Variants in LRP2 observed in about 807,000 individuals in gnomAD.
The protein encoded by LRP2 is LDL receptor related protein 2, also known as low-density lipoprotein receptor-related protein 2.
In LRP2, 172 loss-of-function variants were observed where a neutral mutation model predicts 531.0. The ratio of observed to expected loss-of-function variants is 0.32; its 90% confidence interval spans 0.29 to 0.37. The LOEUF is 0.37. Among genes scored for constraint, LRP2 ranks in the 10% least tolerant of loss-of-function variants. The pLI is 1.00. For synonymous variants in LRP2, 1,992 were observed against 2,027.6 expected, an observed-to-expected ratio of 0.98 and a Z score of 0.47; for missense variants, 5,167 against 5,868.3, an observed-to-expected ratio of 0.88 and a Z score of 3.90.
At position 169,358,626 on chromosome 2, in the gene LRP2, A is replaced by G. The variant is rs780116848; in HGVS notation, c.79+3695T>C. ...CAATCCTTTTAAACATATAAACTTC[A>G]TGTGAAGATGTAATTGTCATAAAAG... On this transcript the variant is annotated intron_variant, in intron 1 of 78. Transcript: ENST00000649046. 2.5e-4 allele frequency among the ~76,000 whole-genome samples: 38 copies of G among 152,334 alleles called. 1 individual carries two copies. The highest frequency in any genetic ancestry group is 4.6e-4 in the Admixed American group (7 of 15,304).
chr2:169,139,956 T>C (rs1423207535), intron 72 of LRP2, among the ~76,000 whole-genome samples: 1 of 152,250 alleles, frequency 6.6e-6, no homozygotes, highest in East Asian at 1.9e-4. Flanking sequence ...AAATGCTTTT[T>C]AAAGACATCC....
chr2:169,337,740 A>G (rs1048143032), intron 1 of LRP2, among the ~76,000 whole-genome samples: 4 of 152,218 alleles, frequency 2.6e-5, no homozygotes, highest in African/African-American at 9.6e-5. Context: ...AGTGGAATAT[A>G]TGTGTATGCA....
At chr2:169,282,786 G>A in intron 10 of LRP2, 87 bp downstream of exon 10, 1 of 1,417,866 alleles carries the variant, frequency 7.1e-7, no homozygotes, top group Non-Finnish European at 9.9e-7. Context: ...CAAAAATGCT[G>A]ATAATTCTGT....
chr2:169,209,280 G>A (rs978041803), intron 38 of LRP2, among the ~76,000 whole-genome samples, 173 bp downstream of exon 38: 4 of 152,106 alleles, frequency 2.6e-5, no homozygotes, highest in Non-Finnish European at 4.4e-5. Context: ...CTGAAACACC[G>A]TATCATTTAT....
intron 49 of LRP2, among the ~76,000 whole-genome samples, chr2:169,186,512 C>A (rs536124136): frequency 6.6e-6 from 1 of 152,208 alleles, no homozygotes; most frequent in Non-Finnish European, 1.5e-5. Flanking sequence ...CATGGGCAAC[C>A]TCACCCAAAA....
At chr2:169,292,989 G>C (rs1410168754) in intron 6 of LRP2, among the ~76,000 whole-genome samples, 4 of 152,132 alleles carry the variant, frequency 2.6e-5, no homozygotes, top group Admixed American at 2.6e-4. Flanking sequence ...ATGACCAAAT[G>C]ATTCTGAGTC....
intron 42 of LRP2, among the ~76,000 whole-genome samples, chr2:169,203,579 G>T (rs1401484811): frequency 6.6e-6 from 1 of 152,132 alleles, no homozygotes; most frequent in Non-Finnish European, 1.5e-5. Flanking sequence ...GGCCAACATG[G>T]TGAAGCCCCG....
At chr2:169,207,293 A>G (rs760618309) in intron 38 of LRP2, 43 bp from the exon 39 acceptor site, 9 of 1,422,370 alleles carry the variant, frequency 6.3e-6, no homozygotes, top group South Asian at 1.2e-5. Flanking sequence ...TGGAGAACCA[A>G]GAAGAAAAAA....
Position 169,220,457 on chromosome 2 carries a change from C to A in LRP2, c.5645G>T (p.Arg1882Leu). The change falls in exon 34 of 79, where the codon CGT becomes CTT. Residue 1882 changes from arginine (R) to leucine (L), a missense_variant. This residue lies in a region of LRP2 where 2,811 missense variants were observed against 3,058.0 expected (regional missense o/e 0.92). Transcript: ENST00000649046. Reference protein sequence around the residue: ...FPIGITVDPARGKLYWSDQGT... With the variant: ...FPIGITVDPALGKLYWSDQGT... ...CGTGCCATTTATGAATACTCACCCA[C>A]GAGCAGGATCAACAGTTATGCCAAT... The A allele has an allele frequency of 6.2e-7, 1 of 1,611,540 alleles. No individual in the cohort carries two copies. The highest frequency in any genetic ancestry group is 8.5e-7 in the Non-Finnish European group (1 of 1,177,786).
At chr2:169,347,608 C>T (rs1193601544) in intron 1 of LRP2, among the ~76,000 whole-genome samples, 2 of 151,544 alleles carry the variant, frequency 1.3e-5, no homozygotes, top group Non-Finnish European at 2.9e-5. Flanking sequence ...AAAGGTGTTC[C>T]CAGATAATGA....
chr2:169,338,359 G>GGAAAGAAAAGAAA (rs1685467388), intron 1 of LRP2, among the ~76,000 whole-genome samples: 1 of 76,566 alleles, frequency 1.3e-5, no homozygotes, highest in Non-Finnish European at 2.5e-5. Context: ...AAAGAAAGAA[G>GGAAAGAAAAGAAA]GAAAGAAAGA....
At chr2:169,257,683 T>A (rs1365734575) in intron 17 of LRP2, among the ~76,000 whole-genome samples, 1 of 152,040 alleles carries the variant, frequency 6.6e-6, no homozygotes, top group African/African-American at 2.4e-5. Flanking sequence ...CATAAGGAAT[T>A]GATAAATTTG....
intron 1 of LRP2, among the ~76,000 whole-genome samples, chr2:169,359,842 G>C (rs1206281347): frequency 6.6e-6 from 1 of 152,024 alleles, no homozygotes; most frequent in African/African-American, 2.4e-5. Context: ...AGAGAAATCG[G>C]GCCAGGTGCA....
At chr2:169,194,210 A>G (rs186493874) in intron 46 of LRP2, among the ~76,000 whole-genome samples, 1 of 152,298 alleles carries the variant, frequency 6.6e-6, no homozygotes, top group Admixed American at 6.5e-5. Flanking sequence ...ACATGTTTCT[A>G]TTTTAAAATC....
At position 169,185,657 on chromosome 2, in the gene LRP2, C is replaced by A. The variant is rs1417989298; in HGVS notation, c.9691G>T (p.Ala3231Ser). Residue 3231 changes from alanine (A) to serine (S), a missense_variant, in exon 50 of 79, where the codon GCA (alanine) becomes TCA (serine). Ala to Ser is a moderately conservative substitution (Grantham distance 99). Around this residue, in one of 6 missense-constraint regions of LRP2, gnomAD observed 1,129 missense variants for 1,362.7 expected, o/e 0.83. Coordinates refer to ENST00000649046, the MANE Select transcript of LRP2 (RefSeq NM_004525.3). ...TTCTCTACTCGGTCAAAATCTAATG[C>A]CACAACATTGTCCAGTCCTTCCAAG... ...LILEGLDNVV[A>S]LDFDRVEKRL... The A allele has an allele frequency of 1.2e-6, 2 of 1,614,152 alleles. No individual in the cohort carries two copies. The highest frequency in any genetic ancestry group is 2.2e-5 in the East Asian group (1 of 44,890).
chr2:169,178,038 A>G lies in LRP2; in HGVS notation c.10170-12T>C. The G allele has an allele frequency of 6.3e-7, 1 of 1,590,482 alleles. No individual in the cohort carries two copies. The highest frequency in any genetic ancestry group is 8.6e-7 in the Non-Finnish European group (1 of 1,159,878). On this transcript the variant is annotated splice_polypyrimidine_tract_variant and intron_variant, in intron 52 of 78. Coordinates refer to ENST00000649046, the MANE Select transcript of LRP2 (RefSeq NM_004525.3). ...CCAAATCAGAGTACCTGCAGCAGTA[A>G]GCAGAAACAGTTATGTGATAAAGGT... is the stretch of plus-strand genomic sequence containing the variant.
At chr2:169,203,496 C>T (rs1044357908) in intron 42 of LRP2, among the ~76,000 whole-genome samples, 7 of 152,194 alleles carry the variant, frequency 4.6e-5, no homozygotes, top group African/African-American at 1.7e-4. Context: ...TGCTGTGGCT[C>T]ACGCCTGTAA....
chr2:169,215,432 A>G (rs1574142226), intron 35 of LRP2, among the ~76,000 whole-genome samples: 1 of 152,152 alleles, frequency 6.6e-6, no homozygotes, highest in East Asian at 1.9e-4. Context: ...GAGACTTTAT[A>G]GTTTCTGCTT....
At chr2:169,303,643 A>ATAAGAAGT (rs1684340481) in intron 4 of LRP2, among the ~76,000 whole-genome samples, 1 of 152,188 alleles carries the variant, frequency 6.6e-6, no homozygotes, top group Non-Finnish European at 1.5e-5. Flanking sequence ...TAACAAAAGA[A>ATAAGAAGT]TAAGAAGTTT....
Sources: gnomAD v4.1 joint callset for allele counts (sites outside exome capture counted in the v4.1 genomes callset) on GRCh38, gnomAD v4.1.1 for gene constraint, gnomAD v4.1.1 regional missense constraint, MANE v1.5 for transcripts, NCBI Gene and HGNC (gene_info 2026-07-23, HGNC 2026-07-21) for gene names.